The following WWP2 variants were observed in gnomAD, a reference collection of about 807,000 sequenced individuals.
WWP2 encodes NEDD4-like E3 ubiquitin-protein ligase WWP2.
In WWP2, 57 loss-of-function variants were observed where a neutral mutation model predicts 121.0. The ratio of observed to expected loss-of-function variants is 0.47; its 90% CI spans 0.38 to 0.59. WWP2 has a LOEUF of 0.59. Among genes scored for constraint, WWP2 ranks in the 20% least tolerant of loss-of-function variants. The probability of loss-of-function intolerance (pLI) is 0.00; values close to 1 mark genes in which losing one functional copy is unlikely to be tolerated. For missense variants in WWP2, 962 were observed against 1,158.9 expected (o/e 0.83, Z 2.47); for synonymous variants, 449 against 441.3 (o/e 1.02, Z -0.22).
At chr16:69,819,951 A>G in intron 4 of WWP2, among the ~76,000 whole-genome samples, 1 of 152,146 alleles carries the variant, frequency 6.6e-6, no homozygotes, top group Non-Finnish European at 1.5e-5. Context: ...TAGAAATGGA[A>G]TCATACAGCT....
At chr16:69,933,724 T>C (rs2151994615) in intron 16 of WWP2, among the ~76,000 whole-genome samples, 1 of 152,250 alleles carries the variant, frequency 6.6e-6, no homozygotes, top group East Asian at 1.9e-4. Context: ...GAGCCGACAA[T>C]CACACGTTTT....
intron 17 of WWP2, among the ~76,000 whole-genome samples, chr16:69,934,377 G>T (rs1356099532): frequency 6.6e-6 from 1 of 152,110 alleles, no homozygotes; most frequent in South Asian, 2.1e-4. Context: ...ACCTAAAAAT[G>T]CAAGAAGCTA....
intron 4 of WWP2, among the ~76,000 whole-genome samples, chr16:69,816,854 T>A (rs2056502955): frequency 6.6e-6 from 1 of 152,182 alleles, no homozygotes. Flanking sequence ...CTCCGTACAT[T>A]CAAGGTAGAT....
chr16:69,931,266 T>G, intron 14 of WWP2, 39 bp downstream of exon 14: 1 of 1,611,248 alleles, frequency 6.2e-7, no homozygotes, highest in Non-Finnish European at 8.5e-7. Flanking sequence ...CAGTTGGGGT[T>G]ATTGAGTTAT....
At chr16:69,885,411 C>A (rs1461403169) in intron 7 of WWP2, among the ~76,000 whole-genome samples, 1 of 152,152 alleles carries the variant, frequency 6.6e-6, no homozygotes, top group Non-Finnish European at 1.5e-5. Context: ...CTAATTTAGC[C>A]TGTGTACCAG....
At chr16:69,918,431 G>T (rs545259366) in intron 10 of WWP2, among the ~76,000 whole-genome samples, 30 of 152,154 alleles carry the variant, frequency 2.0e-4, no homozygotes, top group Non-Finnish European at 3.5e-4. Context: ...ACTTCATTTT[G>T]TTAATAAAGT....
chr16:69,886,477 G>A (rs1395649156), intron 7 of WWP2, among the ~76,000 whole-genome samples: 2 of 151,624 alleles, frequency 1.3e-5, no homozygotes, highest in Non-Finnish European at 2.9e-5. Context: ...ACAACTTTCT[G>A]GGCCAGGTGC....
intron 6 of WWP2, among the ~76,000 whole-genome samples, chr16:69,869,600 C>T (rs1044676713): frequency 6.6e-6 from 1 of 152,098 alleles, no homozygotes; most frequent in African/African-American, 2.4e-5. Context: ...CCATCTCAGC[C>T]TCCCAAAGCG....
At chr16:69,794,409 G>A (rs1397807327) in intron 2 of WWP2, among the ~76,000 whole-genome samples, 4 of 152,056 alleles carry the variant, frequency 2.6e-5, no homozygotes, top group Non-Finnish European at 1.5e-5. Flanking sequence ...CACACCTGTA[G>A]TCCCAGCTAC....
Position 69,799,369 on chromosome 16 carries a change from T to G in WWP2, c.340+74T>G. On this transcript the variant is annotated intron_variant, in intron 4 of 23. Transcript: ENST00000359154. This position sits in a 1 kb window ranked among gnomAD's most constrained non-coding sequence, Gnocchi z 4.5. ...AGGACCTGGCAGATCAACCTGGTAT[T>G]GCAATTTCCCCCAGGACTAGGGGCT... The G allele has an allele frequency of 1.9e-6, 3 of 1,558,884 alleles. No individual in the cohort carries two copies. The highest frequency in any genetic ancestry group is 1.9e-5 in the Admixed American group (1 of 53,044).
At chr16:69,924,980 G>A (rs898435360) in intron 10 of WWP2, 9 of 988,966 alleles carry the variant, frequency 9.1e-6, no homozygotes, top group African/African-American at 1.7e-5. Context: ...AAAGGCCTGC[G>A]ATATTTTTTC....
At chr16:69,787,421 T>C (rs1397783420) in intron 2 of WWP2, among the ~76,000 whole-genome samples, 3 of 152,042 alleles carry the variant, frequency 2.0e-5, no homozygotes, top group Non-Finnish European at 4.4e-5. Context: ...AAGCCCTGTC[T>C]CTACAGAACA....
At chr16:69,916,006 C>G (rs1377518177) in intron 9 of WWP2, among the ~76,000 whole-genome samples, 1 of 149,338 alleles carries the variant, frequency 6.7e-6, no homozygotes, top group Non-Finnish European at 1.5e-5. Context: ...CTACTCTACT[C>G]TAGCCTGGAC....
Position 69,853,958 on chromosome 16 carries a change from CAG to C in WWP2, c.575+11841_575+11842del, listed in dbSNP as rs139194676. Among the ~76,000 whole-genome samples the C allele has an allele frequency of 8.6e-3, 1,302 of 152,268 alleles. 21 individuals are homozygous for C. The highest frequency in any genetic ancestry group is 0.029 in the African/African-American group (1,208 of 41,546). On this transcript the variant is annotated intron_variant, in intron 6 of 23. Transcript: ENST00000359154. ...ACATTGGTACTGCCTGGCTCTGGGG[CAG>C]AGTCATTTCTCTGAAAGTGCACCCA...
rs79173709 is a variant in WWP2 at position 69,935,460 on chromosome 16, C to A, written c.1843-393C>A. The stretch of plus-strand genomic sequence containing the variant: ...ATTATTTTTGGCTGCCTTTGCCACC[C>A]ACCCTGAGCGCCAGTGAATCAGGGC... On this transcript the variant is annotated intron_variant, in intron 17 of 23. Coordinates refer to ENST00000359154, the MANE Select transcript of WWP2 (RefSeq NM_001270454.2). This position sits in a 1 kb window ranked among gnomAD's most constrained non-coding sequence, Gnocchi z 5.2. 9.2e-3 allele frequency among the ~76,000 whole-genome samples: 1,408 copies of A among 152,350 alleles called. 14 individuals are homozygous for A. Among genetic ancestry groups the A allele is most frequent in the Non-Finnish European group, 0.015 (1,018 of 68,038 alleles).
In WWP2 at chr16:69,917,894, AGGC is replaced by A. The variant is rs1225021942; in HGVS notation, c.1179+13_1179+15del. On this transcript the variant is annotated intron_variant, in intron 10 of 23. Coordinates refer to ENST00000359154, the MANE Select transcript of WWP2 (RefSeq NM_001270454.2). ...AGATTCCTCTACCAGGTGAGAGGGCAGGCGCTTGGCCCGAGGTGGGGCCGCCTC... is the reference window on the plus strand; with the variant it reads ...AGATTCCTCTACCAGGTGAGAGGGCAGCTTGGCCCGAGGTGGGGCCGCCTC... 18 of 1,606,128 alleles carry A rather than the reference AGGC, an allele frequency of 1.1e-5. No individual in the cohort carries two copies. Among genetic ancestry groups the A allele is most frequent in the Admixed American group, 3.3e-5 (2 of 59,856 alleles).
chr16:69,908,373 T>A (rs905073292), intron 8 of WWP2, among the ~76,000 whole-genome samples: 1 of 152,178 alleles, frequency 6.6e-6, no homozygotes, highest in Admixed American at 6.5e-5. Context: ...CAAATTTTTG[T>A]CCTAAGTGCA....
chr16:69,777,425 T>G (rs2055559093), intron 1 of WWP2, among the ~76,000 whole-genome samples: 1 of 151,754 alleles, frequency 6.6e-6, no homozygotes, highest in Admixed American at 6.6e-5. Context: ...CTCAGCCTCC[T>G]TATTAACTGG....
intron 6 of WWP2, among the ~76,000 whole-genome samples, chr16:69,843,934 GA>G (rs2057023719): frequency 6.6e-6 from 1 of 152,168 alleles, no homozygotes; most frequent in Non-Finnish European, 1.5e-5. Context: ...AATGGAATAT[GA>G]TTTTAGCCAA....
Sources: allele counts gnomAD v4.1 joint callset (sites outside exome capture counted in the v4.1 genomes callset), GRCh38; gene constraint gnomAD v4.1.1; non-coding constraint Gnocchi (gnomAD v3.1); transcripts MANE v1.5; gene names NCBI Gene and HGNC (gene_info 2026-07-23, HGNC 2026-07-21).